The following ERBB4 variants were observed in gnomAD, a reference collection of about 807,000 sequenced individuals.
ERBB4 encodes erb-b2 receptor tyrosine kinase 4, also known as receptor tyrosine-protein kinase erbB-4.
A neutral mutation model predicts 158.0 loss-of-function variants in ERBB4; 42 were observed. That is an observed-to-expected ratio of 0.27 (90% CI 0.21 to 0.34). ERBB4 has a LOEUF of 0.34. ERBB4 is among the 10% of genes least tolerant of loss of function. The probability of loss-of-function intolerance (pLI) is 1.00; values close to 1 mark genes in which losing one functional copy is unlikely to be tolerated. For missense variants in ERBB4, 1,333 were observed against 1,624.1 expected (o/e 0.82, Z 3.08); for synonymous variants, 583 against 558.7 (o/e 1.04, Z -0.61).
intron 2 of ERBB4, among the ~76,000 whole-genome samples, chr2:212,116,582 G>T (rs1285495038): frequency 6.6e-6 from 1 of 152,026 alleles, no homozygotes; most frequent in African/African-American, 2.4e-5. Flanking sequence ...TGAGTAGGTG[G>T]GATTACAGGC....
At chr2:212,501,785 G>A (rs1690906177) in intron 1 of ERBB4, among the ~76,000 whole-genome samples, 1 of 152,038 alleles carries the variant, frequency 6.6e-6, no homozygotes, top group Non-Finnish European at 1.5e-5. Flanking sequence ...GTGATGATAA[G>A]ATGTTATGTT....
chr2:212,080,720 G>A (rs934509678), intron 2 of ERBB4, among the ~76,000 whole-genome samples: 1 of 149,518 alleles, frequency 6.7e-6, no homozygotes. Context: ...AATTTATCTG[G>A]AAGATTACAT....
At chr2:211,606,939 C>T (rs1424695377) in intron 19 of ERBB4, among the ~76,000 whole-genome samples, 1 of 152,106 alleles carries the variant, frequency 6.6e-6, no homozygotes, top group Non-Finnish European at 1.5e-5. Context: ...AAAAAGCTTA[C>T]ACATGTTTCC....
At chr2:211,485,334 G>T (rs928299720) in intron 20 of ERBB4, among the ~76,000 whole-genome samples, 6 of 152,096 alleles carry the variant, frequency 3.9e-5, no homozygotes, top group African/African-American at 1.4e-4. Flanking sequence ...CTGAGATCCT[G>T]CCTTTTTAAT....
intron 3 of ERBB4, among the ~76,000 whole-genome samples, chr2:211,938,790 A>G (rs1213200392): frequency 6.6e-6 from 1 of 152,194 alleles, no homozygotes; most frequent in Admixed American, 6.5e-5. Context: ...AATAGCTCAT[A>G]TCTCAGCACA....
At chr2:211,666,770 T>C (rs1310379774) in intron 14 of ERBB4, among the ~76,000 whole-genome samples, 1 of 152,154 alleles carries the variant, frequency 6.6e-6, no homozygotes, top group Non-Finnish European at 1.5e-5. Flanking sequence ...CCCTGACCCA[T>C]TTCTCCCTAA....
rs796374773 is a variant in ERBB4 at position 211,724,361 on chromosome 2, T to TAA, written c.741+713_741+714dup. On this transcript the variant is annotated intron_variant, in intron 6 of 27. Coordinates refer to ENST00000342788, the MANE Select transcript of ERBB4 (RefSeq NM_005235.3). The stretch of plus-strand genomic sequence containing the variant: ...TTAAGTGTCTTTCTTTTTTTTTTTT[T>TAA]AAAAAAAGCTCAATTCTACTACATA... Among the ~76,000 whole-genome samples the TAA allele has an allele frequency of 6.1e-4, 92 of 150,808 alleles. 1 individual carries two copies. Among genetic ancestry groups the TAA allele is most frequent in the Non-Finnish European group, 1.1e-3 (73 of 67,612 alleles).
chr2:211,887,176 C>A (rs936523924), intron 3 of ERBB4, among the ~76,000 whole-genome samples: 2 of 151,520 alleles, frequency 1.3e-5, no homozygotes, highest in African/African-American at 4.9e-5. Context: ...TAGAAATATA[C>A]CGCAATGAAA....
chr2:212,212,551 T>TA (rs59628689), intron 1 of ERBB4, among the ~76,000 whole-genome samples: 38 of 148,918 alleles, frequency 2.6e-4, no homozygotes, highest in East Asian at 5.9e-4. Flanking sequence ...TTCACAGAAT[T>TA]AAAAAAAAAA....
At chr2:212,288,072 A>T (rs2086064832) in intron 1 of ERBB4, among the ~76,000 whole-genome samples, 2 of 152,242 alleles carry the variant, frequency 1.3e-5, no homozygotes, top group African/African-American at 4.8e-5. Context: ...TTAGAAAAAG[A>T]AAAGGAATGA....
At chr2:212,178,931 T>A (rs2081765441) in intron 1 of ERBB4, among the ~76,000 whole-genome samples, 1 of 151,752 alleles carries the variant, frequency 6.6e-6, no homozygotes, top group Non-Finnish European at 1.5e-5. Context: ...CTGTAAGAGT[T>A]AAATATCTGA....
intron 1 of ERBB4, among the ~76,000 whole-genome samples, chr2:212,372,392 C>T (rs903198183): frequency 6.6e-6 from 1 of 152,008 alleles, no homozygotes; most frequent in Non-Finnish European, 1.5e-5. Context: ...GACAATTAAC[C>T]CCTTGTTGAC....
intron 4 of ERBB4, among the ~76,000 whole-genome samples, chr2:211,772,955 A>ATATATATATTTT (rs1553630145): frequency 8.4e-5 from 7 of 83,296 alleles, no homozygotes; most frequent in South Asian, 4.9e-4. Flanking sequence ...ATATATATAT[A>ATATATATATTTT]TTTTTTTTTT....
Position 211,557,017 on chromosome 2 carries a change from T to C in ERBB4, c.2487+4886A>G, listed in dbSNP as rs145738986. 4.9e-3 allele frequency among the ~76,000 whole-genome samples: 747 copies of C among 152,242 alleles called. 12 individuals carry two copies. Among genetic ancestry groups the C allele is most frequent in the African/African-American group, 0.017 (721 of 41,542 alleles). On this transcript the variant is annotated intron_variant, in intron 20 of 27. Transcript: ENST00000342788. ...CAAAAAACAAGCAATGGGGAAAAGA[T>C]TTCCTATTTAATAAATGGGGCTGTA...
intron 13 of ERBB4, among the ~76,000 whole-genome samples, chr2:211,677,418 G>C (rs1303582172): frequency 1.3e-5 from 2 of 151,830 alleles, no homozygotes; most frequent in African/African-American, 2.4e-5. Flanking sequence ...TACAAAATTA[G>C]CCCGGCATGG....
chr2:211,792,098 A>G (rs1455348470), intron 3 of ERBB4, among the ~76,000 whole-genome samples: 1 of 151,772 alleles, frequency 6.6e-6, no homozygotes, highest in East Asian at 1.9e-4. Flanking sequence ...TGTATGGAAA[A>G]AAAGTACCAT....
intron 3 of ERBB4, among the ~76,000 whole-genome samples, chr2:211,822,729 A>G (rs937346099): frequency 1.0e-4 from 15 of 148,866 alleles, no homozygotes; most frequent in Non-Finnish European, 2.0e-4. Flanking sequence ...ATAACTATTT[A>G]TTATATAATG....
At chr2:211,549,802 G>A (rs972104496) in intron 20 of ERBB4, among the ~76,000 whole-genome samples, 2 of 152,164 alleles carry the variant, frequency 1.3e-5, no homozygotes, top group Non-Finnish European at 2.9e-5. Flanking sequence ...GGGTTCTGCT[G>A]TGATGGGAGT....
intron 2 of ERBB4, among the ~76,000 whole-genome samples, chr2:212,078,824 AAT>A (rs889865066): frequency 1.1e-4 from 16 of 151,362 alleles, no homozygotes; most frequent in African/African-American, 3.9e-4. Context: ...ATTAATTACT[AAT>A]AGTTTATAAC....
Sources: allele counts gnomAD v4.1 joint callset (sites outside exome capture counted in the v4.1 genomes callset), GRCh38; gene constraint gnomAD v4.1.1; transcripts MANE v1.5; gene names NCBI Gene and HGNC (gene_info 2026-07-23, HGNC 2026-07-21).